Variants in DGCR8 observed in about 807,000 individuals in gnomAD.
DGCR8 encodes the protein microprocessor complex subunit DGCR8.
DGCR8 carries 14 observed loss-of-function variants against 78.5 expected under a neutral mutation model. The observed-to-expected ratio is 0.18, with a 90% CI of 0.12 to 0.28. The LOEUF (loss-of-function observed/expected upper bound fraction) is 0.28, where lower values mean the gene tolerates loss of function less well. DGCR8 is among the 10% of genes least tolerant of loss of function. DGCR8 has a pLI of 1.00. For missense variants in DGCR8, 702 were observed against 1,022.5 expected, an observed-to-expected ratio of 0.69 and a Z score of 4.28; for synonymous variants, 399 against 402.4, an observed-to-expected ratio of 0.99 and a Z score of 0.10.
chr22:20,100,210 G>T, intron 9 of DGCR8: 1 of 293,044 alleles, frequency 3.4e-6, no homozygotes, highest in Non-Finnish European at 5.1e-6. Flanking sequence ...GGGACTACAG[G>T]TGCACGCCAC....
chr22:20,110,087 C>T lies in DGCR8; in HGVS notation c.2301C>T (p.Pro767=). 1 of 1,611,642 alleles carries T rather than the reference C, an allele frequency of 6.2e-7. No homozygotes were observed. Residue 767 remains proline, a synonymous_variant, in exon 14 of 14, where the codon CCC becomes CCT. Coordinates refer to ENST00000351989, the MANE Select transcript of DGCR8 (RefSeq NM_022720.7). The part of the protein sequence containing the change: ...IVASAQPGGE[P]LCTVDV ...CGTCCGCCCAGCCTGGCGGTGAGCC[C>T]CTGTGCACCGTGGACGTGTGAGGGA...
chr22:20,106,993 C>T, intron 11 of DGCR8: 1 of 576,378 alleles, frequency 1.7e-6, no homozygotes. Flanking sequence ...CTCCCTGTTT[C>T]TGGAGGTGTG....
In DGCR8 at chr22:20,091,468, G is replaced by A. The variant is rs2049559362; in HGVS notation, c.1340G>A (p.Arg447His). ...LEEFRSYLEK[R>H]FDFEQVTVKK... Reference sequence around the variant, plus strand: ...GAATTTCGAAGCTACCTGGAGAAGCGTTTTGACTTTGAGCAAGTTACTGTG... The same window carrying A: ...GAATTTCGAAGCTACCTGGAGAAGCATTTTGACTTTGAGCAAGTTACTGTG... Residue 447 changes from arginine (R) to histidine (H), a missense_variant, in exon 6 of 14, where the codon CGT (arginine) becomes CAT (histidine). Coordinates refer to ENST00000351989, the MANE Select transcript of DGCR8 (RefSeq NM_022720.7). 6.2e-7 allele frequency: 1 copy of A among 1,614,242 alleles called. No individual in the cohort carries two copies. Among genetic ancestry groups the A allele is most frequent in the Non-Finnish European group, 8.5e-7 (1 of 1,180,052 alleles).
In DGCR8 at chr22:20,104,309, C is replaced by T. The variant is rs567453404; in HGVS notation, c.1789-1868C>T. 1.8e-4 allele frequency among the ~76,000 whole-genome samples: 27 copies of T among 152,286 alleles called. No individual in the cohort carries two copies. In the South Asian group the frequency reaches 5.2e-3, roughly 29 times the overall value. The stretch of plus-strand genomic sequence containing the variant: ...CCTCCCGAGTAGCTGGGACTACAGG[C>T]GCCTGCCACCGCGCCCGGCTAATTT... On this transcript the variant is annotated intron_variant, in intron 9 of 13. Transcript: ENST00000351989.
At chr22:20,107,110 GA>G in intron 11 of DGCR8, 160 bp from the exon 12 acceptor site, 1 of 732,970 alleles carries the variant, frequency 1.4e-6, no homozygotes, top group South Asian at 1.7e-5. Flanking sequence ...GGTACTGTGA[GA>G]CTCAGGTGCC....
intron 12 of DGCR8, chr22:20,107,600 T>G: frequency 1.6e-6 from 1 of 614,152 alleles, no homozygotes; most frequent in Non-Finnish European, 2.8e-6. Flanking sequence ...CTGGGCATGG[T>G]CAGTGAAGTG....
At chr22:20,106,937 C>T in intron 11 of DGCR8, 1 of 578,674 alleles carries the variant, frequency 1.7e-6, no homozygotes, top group Non-Finnish European at 3.1e-6. Flanking sequence ...GTCCCTGTGG[C>T]AGGAGGAAAG....
At position 20,087,424 on chromosome 22, in the gene DGCR8, C is replaced by T; in HGVS notation, c.880+103C>T. 7.4e-7 allele frequency: 1 copy of T among 1,355,992 alleles called. No individual in the cohort carries two copies. Among genetic ancestry groups the T allele is most frequent in the Non-Finnish European group, 1.0e-6 (1 of 1,001,344 alleles). The allele number at this position is 1,355,992 out of a possible 1,614,324, so 84.0% of individuals were successfully genotyped here. On this transcript the variant is annotated intron_variant, in intron 3 of 13. Coordinates refer to ENST00000351989, the MANE Select transcript of DGCR8 (RefSeq NM_022720.7). This position sits in a 1 kb window ranked among gnomAD's most constrained non-coding sequence, Gnocchi z 4.1. Reference sequence around the variant, plus strand: ...GAGAGCTCTGGTGCCAGGTAGTGGGCTGGGTGGAGGCATGTTTGAGGACAG... The same window carrying T: ...GAGAGCTCTGGTGCCAGGTAGTGGGTTGGGTGGAGGCATGTTTGAGGACAG...
At chr22:20,102,654 G>T (rs2049717380) in intron 9 of DGCR8, among the ~76,000 whole-genome samples, 1 of 152,194 alleles carries the variant, frequency 6.6e-6, no homozygotes, top group Non-Finnish European at 1.5e-5. Context: ...AAGTGTGTCT[G>T]TTTTGGGGCT....
At position 20,090,249 on chromosome 22, in the gene DGCR8, G is replaced by A; in HGVS notation, c.1297G>A (p.Glu433Lys). ...GGCCAAAGTCGAGGTGTGCAAAGAT[G>A]AATCCGTTGGTGAGTTTTTGAAGGA... ...VKAKVEVCKDESVDLEEFRSY... is the reference protein window; with the variant it reads ...VKAKVEVCKDKSVDLEEFRSY... Residue 433 changes from glutamate (E) to lysine (K), a missense_variant, in exon 5 of 14, where the codon GAA becomes AAA. Around this residue, in one of 4 missense-constraint regions of DGCR8, gnomAD observed 119 missense variants for 126.1 expected, o/e 0.94. Coordinates refer to ENST00000351989, the MANE Select transcript of DGCR8 (RefSeq NM_022720.7). 6.3e-7 allele frequency: 1 copy of A among 1,595,224 alleles called. No individual in the cohort carries two copies. Among genetic ancestry groups the A allele is most frequent in the Non-Finnish European group, 8.5e-7 (1 of 1,173,990 alleles).
chr22:20,081,904 GCA>G (rs887242507), intron 1 of DGCR8, among the ~76,000 whole-genome samples: 11 of 152,038 alleles, frequency 7.2e-5, no homozygotes, highest in Admixed American at 2.0e-4. Flanking sequence ...CTATTTCTAA[GCA>G]CAGACCATTT....
At chr22:20,088,511 C>T (rs1204765138) in intron 3 of DGCR8, among the ~76,000 whole-genome samples, 3 of 152,180 alleles carry the variant, frequency 2.0e-5, no homozygotes, top group Non-Finnish European at 2.9e-5. Flanking sequence ...CCAGCGGACC[C>T]GTGGCCCGTC....
In DGCR8 at chr22:20,111,092, T is replaced by G. The variant is rs998246848; in HGVS notation, c.*984T>G. On this transcript the variant is annotated 3_prime_UTR_variant, in exon 14 of 14. Coordinates refer to ENST00000351989, the MANE Select transcript of DGCR8 (RefSeq NM_022720.7). The stretch of plus-strand genomic sequence containing the variant: ...GTGTAGCCCATTCTTGATCCAGAGC[T>G]GTTGCCTGTGACAGCGGTTTCTCTG... The G allele has an allele frequency of 2.8e-5, 11 of 398,004 alleles. No individual in the cohort carries two copies. Among genetic ancestry groups the G allele is most frequent in the African/African-American group, 1.9e-4 (9 of 48,646 alleles). The allele number at this position is 398,004 out of a possible 1,614,324, so 24.7% of individuals were successfully genotyped here.
chr22:20,094,370 G>T (rs1024376169), intron 8 of DGCR8, among the ~76,000 whole-genome samples: 5 of 152,204 alleles, frequency 3.3e-5, no homozygotes, highest in African/African-American at 1.2e-4. Flanking sequence ...CCTGCTCTCA[G>T]GCCTCCCTGC....
In DGCR8 at chr22:20,086,739, G is replaced by C; in HGVS notation, c.720+56G>C. ...CTTAGCAAAACCCAAAGAGAGATTT[G>C]GGAATTGCAGCATCTTTTGAAAGCA... On this transcript the variant is annotated intron_variant, in intron 2 of 13. Coordinates refer to ENST00000351989, the MANE Select transcript of DGCR8 (RefSeq NM_022720.7). This position sits in a 1 kb window ranked among gnomAD's most constrained non-coding sequence, Gnocchi z 6.4. 1 of 1,486,094 alleles carries C rather than the reference G, an allele frequency of 6.7e-7. No homozygotes were observed. The highest frequency in any genetic ancestry group is 2.3e-5 in the East Asian group (1 of 43,228). 92.1% of individuals were successfully genotyped at this position (1,486,094 alleles called of 1,614,324 possible).
At chr22:20,096,058 C>T (rs1278067339) in intron 9 of DGCR8, among the ~76,000 whole-genome samples, 1 of 152,156 alleles carries the variant, frequency 6.6e-6, no homozygotes, top group Admixed American at 6.5e-5. Context: ...CACTTACTCC[C>T]CCTGCCCCCA....
chr22:20,098,010 G>A (rs1164422369), intron 9 of DGCR8, among the ~76,000 whole-genome samples: 1 of 150,624 alleles, frequency 6.6e-6, no homozygotes, highest in African/African-American at 2.4e-5. Context: ...ACCTGTAATT[G>A]CAGCTACCCG....
chr22:20,107,953 A>T (rs1372747654), intron 12 of DGCR8: 1 of 156,398 alleles, frequency 6.4e-6, no homozygotes, highest in Non-Finnish European at 1.4e-5. Flanking sequence ...TCAAATGATT[A>T]CAGAAACTCT....
chr22:20,109,196 G>T, intron 13 of DGCR8, 193 bp downstream of exon 13: 1 of 468,956 alleles, frequency 2.1e-6, no homozygotes, highest in Non-Finnish European at 4.0e-6. Flanking sequence ...TTCAGTTTTG[G>T]TTCTGTTGTT....
Sources: allele counts gnomAD v4.1 joint callset (sites outside exome capture counted in the v4.1 genomes callset), GRCh38; gene constraint gnomAD v4.1.1; regional missense constraint gnomAD v4.1.1; non-coding constraint Gnocchi (gnomAD v3.1); transcripts MANE v1.5; gene names NCBI Gene and HGNC (gene_info 2026-07-23, HGNC 2026-07-21).